FAAH2: variants seen among roughly 807,000 people sequenced by gnomAD.
FAAH2 encodes the protein fatty-acid amide hydrolase 2.
In FAAH2, 60 loss-of-function variants were observed where a neutral mutation model predicts 36.9. The ratio of observed to expected loss-of-function variants is 1.63; its 90% confidence interval spans 1.32 to 2.02. The LOEUF (loss-of-function observed/expected upper bound fraction) is 2.02, where lower values mean the gene tolerates loss of function less well. Among genes scored for constraint, FAAH2 ranks in the 30% most tolerant of loss-of-function variants. The probability of loss-of-function intolerance (pLI) is 0.00; values close to 1 mark genes in which losing one functional copy is unlikely to be tolerated. For synonymous variants in FAAH2, 214 were observed against 143.8 expected, an observed-to-expected ratio of 1.49 and a Z score of -3.49; for missense variants, 689 against 397.5, an observed-to-expected ratio of 1.73 and a Z score of -6.23.
rs774727530 is a variant in FAAH2, at chrX:57,441,801, G to A, written c.1117-5127G>A. 5.4e-5 allele frequency among the ~76,000 whole-genome samples: 6 copies of A among 111,169 alleles called. No individual in the cohort carries two copies. In the South Asian group the frequency reaches 1.5e-3, roughly 28 times the overall value. On this transcript the variant is annotated intron_variant, in intron 8 of 10. Coordinates refer to ENST00000374900, the MANE Select transcript of FAAH2 (RefSeq NM_174912.4). ...TTAAATGTGTCCCAGAGATTCTGGT[G>A]TGTTGTGTCTTTGTTCTCATTGGTT...
intron 7 of FAAH2, chrX:57,395,428 G>T: frequency 1.5e-6 from 1 of 663,049 alleles, no homozygotes; most frequent in Admixed American, 2.4e-5. Context: ...TTAGTCTGCT[G>T]CCCACGATGG....
chrX:57,265,619 C>T, the FAAH2 span, among the ~76,000 whole-genome samples: 2 of 111,872 alleles, frequency 1.8e-5, no homozygotes, highest in Non-Finnish European at 1.9e-5. Flanking sequence ...TTTCTCATCA[C>T]TTGGGGGGTA....
intron 8 of FAAH2, among the ~76,000 whole-genome samples, chrX:57,441,586 T>G (rs897798155): frequency 5.4e-5 from 6 of 110,883 alleles, no homozygotes; most frequent in African/African-American, 2.0e-4. Context: ...GAAGCGTTTT[T>G]TTTTTGTGTG....
At chrX:57,324,319 G>A (rs913006507) in intron 3 of FAAH2, among the ~76,000 whole-genome samples, 1 of 111,939 alleles carries the variant, frequency 8.9e-6, no homozygotes, top group Non-Finnish European at 1.9e-5. Context: ...ATTTGGCAAT[G>A]CGGGCTCTTT....
At chrX:57,466,148 CTCTCTCTCTA>C (rs1434750530) in intron 10 of FAAH2, among the ~76,000 whole-genome samples, 1 of 78,561 alleles carries the variant, frequency 1.3e-5, no homozygotes, top group Non-Finnish European at 2.3e-5. Context: ...CTCTCTCTCT[CTCTCTCTCTA>C]TATATATATA....
At chrX:57,177,113 G>C in the FAAH2 span, among the ~76,000 whole-genome samples, 2 of 111,286 alleles carry the variant, frequency 1.8e-5, no homozygotes, top group Non-Finnish European at 3.8e-5. Flanking sequence ...GACTAAAGCA[G>C]GTGAGTAAAT....
rs190932348 is a variant in FAAH2, at chrX:57,443,914, G to T, written c.1117-3014G>T. 1.0e-3 allele frequency among the ~76,000 whole-genome samples: 113 copies of T among 112,178 alleles called. No homozygotes were observed. The Middle Eastern group carries it at 0.018, about 18-fold the overall frequency. On this transcript the variant is annotated intron_variant, in intron 8 of 10. Coordinates refer to ENST00000374900, the MANE Select transcript of FAAH2 (RefSeq NM_174912.4). ...GTTTGCCTGGGTATCACCAGCAGAG[G>T]CTGCAGAACAGCAAATATTGCAGAA...
At chrX:57,231,967 C>A in the FAAH2 span, among the ~76,000 whole-genome samples, 1 of 111,448 alleles carries the variant, frequency 9.0e-6, no homozygotes, top group Admixed American at 9.5e-5. Flanking sequence ...ACAAAGGAGA[C>A]TTTCATTCTA....
At chrX:57,133,141 C>T in the FAAH2 span, among the ~76,000 whole-genome samples, 2 of 111,840 alleles carry the variant, frequency 1.8e-5, no homozygotes, top group Non-Finnish European at 3.8e-5. Context: ...TATCCCAATT[C>T]CTTGCTTTAT....
At chrX:57,488,106 G>T (rs1423237385) in intron 10 of FAAH2, among the ~76,000 whole-genome samples, 1 of 111,618 alleles carries the variant, frequency 9.0e-6, no homozygotes, top group Non-Finnish European at 1.9e-5. Context: ...TGGATACTGG[G>T]GATTGGGGGA....
chrX:57,378,212 G>A (rs780792066), intron 5 of FAAH2, among the ~76,000 whole-genome samples: 2 of 112,199 alleles, frequency 1.8e-5, no homozygotes, highest in African/African-American at 3.2e-5. Context: ...CAAACAATTT[G>A]TTATGGCTTC....
At chrX:57,382,893 A>G (rs1439969049) in intron 7 of FAAH2, among the ~76,000 whole-genome samples, 2 of 111,858 alleles carry the variant, frequency 1.8e-5, no homozygotes, top group Non-Finnish European at 3.8e-5. Context: ...TTTTAGGCCA[A>G]TAACCCTGAT....
chrX:57,436,867 C>A (rs1055609456), intron 8 of FAAH2, among the ~76,000 whole-genome samples: 2 of 111,070 alleles, frequency 1.8e-5, no homozygotes, highest in Non-Finnish European at 3.8e-5. Flanking sequence ...GAGAATTCTT[C>A]ATAACTCATT....
chrX:57,452,212 C>T (rs935698448), intron 10 of FAAH2: 12 of 752,958 alleles, frequency 1.6e-5, no homozygotes, highest in Non-Finnish European at 1.7e-5. Flanking sequence ...AAGATCTCAT[C>T]TGAGAAACCC....
intron 7 of FAAH2, among the ~76,000 whole-genome samples, chrX:57,397,043 T>C (rs1415361598): frequency 8.9e-6 from 1 of 112,013 alleles, no homozygotes; most frequent in Non-Finnish European, 1.9e-5. Flanking sequence ...AGGATAGTTA[T>C]ATTTCTCATT....
intron 7 of FAAH2, among the ~76,000 whole-genome samples, chrX:57,388,186 T>G (rs2055073343): frequency 9.0e-6 from 1 of 111,582 alleles, no homozygotes; most frequent in South Asian, 3.7e-4. Flanking sequence ...TAAATATTTC[T>G]CTAAAGTTAA....
At chrX:57,282,454 A>G (rs1350744894), upstream of FAAH2, among the ~76,000 whole-genome samples, 1 of 110,963 alleles carries the variant, frequency 9.0e-6, no homozygotes, top group East Asian at 2.8e-4. Context: ...GAGATTGTGG[A>G]TATTAGATCT....
Position 57,331,842 on chromosome X carries a change from A to G in FAAH2, c.622+35A>G, listed in dbSNP as rs377446796. On this transcript the variant is annotated intron_variant, in intron 4 of 10. Transcript: ENST00000374900. ...ACATTTTAGTATGGCATGAATAGCTATGCTAACAATAATAATTATGAATTG... is the reference window on the plus strand; with the variant it reads ...ACATTTTAGTATGGCATGAATAGCTGTGCTAACAATAATAATTATGAATTG... 5.5e-4 allele frequency: 609 copies of G among 1,110,976 alleles called. 3 individuals are homozygous for G. In the South Asian group the frequency reaches 0.01, roughly 19 times the overall value. The allele number at this position is 1,110,976 out of a possible 1,213,427, so 91.6% of individuals were successfully genotyped here.
rs1274281569 is a variant in FAAH2 at position 57,487,034 on chromosome X, T to TG, written c.1424-1723_1424-1722insG. Among the ~76,000 whole-genome samples, 3 of 111,584 alleles carry TG rather than the reference T, an allele frequency of 2.7e-5. No homozygotes were observed. In the Admixed American group the frequency reaches 2.9e-4, roughly 11 times the overall value. Reference sequence around the variant, plus strand: ...GTTTCAAGACAGTTCAATGAAGAATTAATAGTCTTTTCATCAAATGGTTCT... The same window carrying TG: ...GTTTCAAGACAGTTCAATGAAGAATTGAATAGTCTTTTCATCAAATGGTTCT... On this transcript the variant is annotated intron_variant, in intron 10 of 10. Transcript: ENST00000374900.
Sources: gnomAD v4.1 joint callset for allele counts (sites outside exome capture counted in the v4.1 genomes callset) on GRCh38, gnomAD v4.1.1 for gene constraint, MANE v1.5 for transcripts, NCBI Gene and HGNC (gene_info 2026-07-23, HGNC 2026-07-21) for gene names.